Variants in CELF5 observed in about 807,000 individuals in gnomAD.
CELF5 encodes the protein CUG-BP and ETR-3 like factor 5.
Under a neutral mutation model 54.9 loss-of-function variants are expected in CELF5, and 6 were observed. The ratio of observed to expected loss-of-function variants is 0.11; its 90% CI spans 0.06 to 0.22. CELF5 has a LOEUF of 0.22. Among genes scored for constraint, CELF5 ranks in the 10% least tolerant of loss-of-function variants. CELF5 has a pLI of 1.00. For missense variants in CELF5, 401 were observed against 678.6 expected (o/e 0.59, Z 4.54); for synonymous variants, 271 against 290.9 (o/e 0.93, Z 0.70).
At position 3,248,404 on chromosome 19, in the gene CELF5, C is replaced by T. The variant is rs139266047; in HGVS notation, c.260-2581C>T. On this transcript the variant is annotated intron_variant, in intron 1 of 12. Coordinates refer to ENST00000292672, the MANE Select transcript of CELF5 (RefSeq NM_021938.4). Reference sequence around the variant, plus strand: ...CATCCCCCTCCCCAGCCCCTGGCACCCCCCATCCTGATTTCCATCTCTGTG... The same window carrying T: ...CATCCCCCTCCCCAGCCCCTGGCACTCCCCATCCTGATTTCCATCTCTGTG... Among the ~76,000 whole-genome samples, 1,281 of 152,096 alleles carry T rather than the reference C, an allele frequency of 8.4e-3. 10 individuals are homozygous for T. Among genetic ancestry groups the T allele is most frequent in the Admixed American group, 0.013 (196 of 15,242 alleles).
At chr19:3,257,825 A>G (rs2079752648) in intron 2 of CELF5, among the ~76,000 whole-genome samples, 1 of 120,986 alleles carries the variant, frequency 8.3e-6, no homozygotes, top group Non-Finnish European at 1.8e-5. Context: ...TTATTTATTT[A>G]TTTATTTATT....
At chr19:3,240,509 G>T (rs961226332) in intron 1 of CELF5, among the ~76,000 whole-genome samples, 1 of 151,654 alleles carries the variant, frequency 6.6e-6, no homozygotes, top group African/African-American at 2.4e-5. Context: ...TGTATTTTTA[G>T]TAGAGAGGGG....
At chr19:3,290,420 T>TA (rs1568366843) in intron 11 of CELF5, 46 bp downstream of exon 11, 1 of 1,605,910 alleles carries the variant, frequency 6.2e-7, no homozygotes, top group Admixed American at 1.7e-5. Flanking sequence ...CTCCCTCGCC[T>TA]GCCCCCTGAC....
intron 5 of CELF5, among the ~76,000 whole-genome samples, chr19:3,279,694 T>G (rs201723733): frequency 6.6e-6 from 1 of 152,046 alleles, no homozygotes; most frequent in East Asian, 1.9e-4. Flanking sequence ...TCCTGGCCCC[T>G]GCCTCAGGCC....
chr19:3,258,559 C>T (rs2079763580), intron 2 of CELF5, among the ~76,000 whole-genome samples: 1 of 152,136 alleles, frequency 6.6e-6, no homozygotes, highest in Non-Finnish European at 1.5e-5. Context: ...TAAATAAGGG[C>T]ATATCCACAG....
chr19:3,289,108 A>G (rs1427382428), intron 10 of CELF5, among the ~76,000 whole-genome samples: 1 of 152,198 alleles, frequency 6.6e-6, no homozygotes, highest in African/African-American at 2.4e-5. Flanking sequence ...TTGTAGTTTA[A>G]TTATCTGTAG....
intron 10 of CELF5, among the ~76,000 whole-genome samples, chr19:3,289,597 G>C (rs1190307598): frequency 7.2e-6 from 1 of 138,752 alleles, no homozygotes; most frequent in Non-Finnish European, 1.5e-5. Context: ...CAGGAGAATT[G>C]CTTGAATCCA....
At chr19:3,251,206 T>C in intron 2 of CELF5, 139 bp downstream of exon 2, 1 of 647,838 alleles carries the variant, frequency 1.5e-6, no homozygotes. Flanking sequence ...AGCAGAGGTA[T>C]AGAAATCATC....
chr19:3,267,606 G>A (rs1431880946), intron 2 of CELF5, among the ~76,000 whole-genome samples: 1 of 152,224 alleles, frequency 6.6e-6, no homozygotes, highest in Non-Finnish European at 1.5e-5. Flanking sequence ...GTGAGGGAGG[G>A]GCCAGGACCT....
intron 2 of CELF5, among the ~76,000 whole-genome samples, chr19:3,255,033 C>T (rs10413685): frequency 0.19 from 29,424 of 151,958 alleles, 3,257 homozygotes; most frequent in East Asian, 0.53. Flanking sequence ...TCCATCTATC[C>T]ACCAAATTTT....
intron 2 of CELF5, among the ~76,000 whole-genome samples, chr19:3,252,172 G>A (rs914727255): frequency 6.6e-6 from 1 of 152,114 alleles, no homozygotes; most frequent in African/African-American, 2.4e-5. Flanking sequence ...GAGTAGCTGG[G>A]ACTATAGGTG....
chr19:3,256,211 G>A lies in CELF5; in HGVS notation c.342+5144G>A, dbSNP rs373740866. On this transcript the variant is annotated intron_variant, in intron 2 of 12. Coordinates refer to ENST00000292672, the MANE Select transcript of CELF5 (RefSeq NM_021938.4). ...CAGGGTTCCCACCCCTAAAGTATTC[G>A]TGGGTAACTGCCTCTCCCGCCTGGA... is the stretch of plus-strand genomic sequence containing the variant. 1.7e-4 allele frequency among the ~76,000 whole-genome samples: 26 copies of A among 152,164 alleles called. No individual in the cohort carries two copies. In the East Asian group the frequency reaches 2.3e-3, roughly 14 times the overall value.
chr19:3,229,735 C>T (rs763784029), intron 1 of CELF5, among the ~76,000 whole-genome samples: 1 of 152,130 alleles, frequency 6.6e-6, no homozygotes, highest in African/African-American at 2.4e-5. Context: ...TCAGTGGGAG[C>T]GGGCTTGTTA....
At chr19:3,239,427 G>A (rs1023207052) in intron 1 of CELF5, among the ~76,000 whole-genome samples, 3 of 151,862 alleles carry the variant, frequency 2.0e-5, no homozygotes, top group Non-Finnish European at 4.4e-5. Flanking sequence ...CTGGAGATGG[G>A]GTCTCACTGT....
Position 3,228,353 on chromosome 19 carries a change from G to A in CELF5, c.259+3355G>A, listed in dbSNP as rs1171241363. ...CAGGGGCTCAGGCCAAGAACTGGAG[G>A]CTGGGATTGGGGCTCCCGCTGGCCC... On this transcript the variant is annotated intron_variant, in intron 1 of 12. Coordinates refer to ENST00000292672, the MANE Select transcript of CELF5 (RefSeq NM_021938.4). This position sits in a 1 kb window ranked among gnomAD's most constrained non-coding sequence, Gnocchi z 6.0. Among the ~76,000 whole-genome samples, 1 of 152,158 alleles carries A rather than the reference G, an allele frequency of 6.6e-6. No individual in the cohort carries two copies. The highest frequency in any genetic ancestry group is 1.5e-5 in the Non-Finnish European group (1 of 68,018).
chr19:3,267,446 TC>T (rs1417820740), intron 2 of CELF5, among the ~76,000 whole-genome samples: 1 of 152,120 alleles, frequency 6.6e-6, no homozygotes, highest in Non-Finnish European at 1.5e-5. Flanking sequence ...AGGCTCAGAT[TC>T]CAGGGGAAGC....
chr19:3,274,032 T>A, intron 3 of CELF5, 109 bp downstream of exon 3: 1 of 1,144,504 alleles, frequency 8.7e-7, no homozygotes, highest in Non-Finnish European at 1.3e-6. Flanking sequence ...CCGAGGCCTG[T>A]GGATCTGGAA....
chr19:3,264,392 TTTTTTC>T (rs1343257597), intron 2 of CELF5, among the ~76,000 whole-genome samples: 2 of 151,514 alleles, frequency 1.3e-5, no homozygotes, highest in South Asian at 2.1e-4. Flanking sequence ...TGTTTCACTG[TTTTTTC>T]TTTTTCTTTT....
chr19:3,267,404 A>C (rs2079898735), intron 2 of CELF5, among the ~76,000 whole-genome samples: 1 of 152,174 alleles, frequency 6.6e-6, no homozygotes, highest in African/African-American at 2.4e-5. Flanking sequence ...CCCAGAATAG[A>C]TCCTGGAATG....
Sources: allele counts gnomAD v4.1 joint callset (sites outside exome capture counted in the v4.1 genomes callset), GRCh38; gene constraint gnomAD v4.1.1; non-coding constraint Gnocchi (gnomAD v3.1); transcripts MANE v1.5; gene names NCBI Gene and HGNC (gene_info 2026-07-23, HGNC 2026-07-21).